The following ARMC3 variants were observed in gnomAD, a reference collection of about 807,000 sequenced individuals.
ARMC3 encodes the protein armadillo repeat containing 3.
In ARMC3, 74 loss-of-function variants were observed where a neutral mutation model predicts 90.3. The observed-to-expected ratio is 0.82, with a 90% CI of 0.68 to 0.99. ARMC3 has a LOEUF of 0.99. Ranked by LOEUF, ARMC3 falls within the 50% of genes least tolerant of loss-of-function variation. ARMC3 has a pLI of 0.00. For synonymous variants in ARMC3, 334 were observed against 361.8 expected (o/e 0.92, Z 0.87); for missense variants, 958 against 1,042.8 (o/e 0.92, Z 1.12).
intron 11 of ARMC3, 38 bp from the exon 12 acceptor site, chr10:23,001,881 A>G (rs1837308812): frequency 1.3e-6 from 2 of 1,596,818 alleles, no homozygotes; most frequent in Non-Finnish European, 1.7e-6. Context: ...GTTACATTCT[A>G]CACTCTTAAT....
chr10:23,015,466 G>A (rs188715156), intron 16 of ARMC3, among the ~76,000 whole-genome samples: 35 of 152,292 alleles, frequency 2.3e-4, no homozygotes, highest in Non-Finnish European at 3.5e-4. Context: ...TGAAATGTGT[G>A]ATAAGTTCTG....
chr10:22,992,498 T>C (rs1441135106), intron 10 of ARMC3, among the ~76,000 whole-genome samples: 1 of 152,242 alleles, frequency 6.6e-6, no homozygotes, highest in Non-Finnish European at 1.5e-5. Context: ...ACTTTAATTA[T>C]GTTAATTTTA....
At chr10:22,959,005 G>A (rs1835075536) in intron 4 of ARMC3, 65 bp from the exon 5 acceptor site, 3 of 1,333,426 alleles carry the variant, frequency 2.2e-6, no homozygotes, top group Non-Finnish European at 3.2e-6. Flanking sequence ...TTACAGGCAT[G>A]AGCCACCACA....
intron 11 of ARMC3, among the ~76,000 whole-genome samples, chr10:23,000,210 C>T (rs760209264): frequency 5.3e-5 from 8 of 152,216 alleles, no homozygotes; most frequent in Non-Finnish European, 1.0e-4. Context: ...TGGAACTCTA[C>T]ACTCCAGAAA....
intron 3 of ARMC3, among the ~76,000 whole-genome samples, chr10:22,948,007 G>T (rs750896073): frequency 2.2e-4 from 34 of 151,726 alleles, no homozygotes; most frequent in Non-Finnish European, 3.7e-4. Flanking sequence ...AACTAAACTG[G>T]TTTTTTTTAA....
At chr10:23,034,846 T>C (rs1588947430) in intron 18 of ARMC3, among the ~76,000 whole-genome samples, 1 of 152,298 alleles carries the variant, frequency 6.6e-6, no homozygotes, top group East Asian at 1.9e-4. Context: ...TTTTCCTTCA[T>C]ATGGCCTTAA....
In ARMC3 at chr10:23,000,413, T is replaced by C. The variant is rs1055604082; in HGVS notation, c.1426-1506T>C. Among the ~76,000 whole-genome samples the C allele has an allele frequency of 5.9e-5, 9 of 152,260 alleles. No individual in the cohort carries two copies. The East Asian group carries it at 1.7e-3, about 29-fold the overall frequency. On this transcript the variant is annotated intron_variant, in intron 11 of 18. Coordinates refer to ENST00000298032, the MANE Select transcript of ARMC3 (RefSeq NM_173081.5). Reference sequence around the variant, plus strand: ...GGGTACATCTTTCTCTATGCTCCCATTGCACCCCTTGTCTTCCTTTTTTGA... The same window carrying C: ...GGGTACATCTTTCTCTATGCTCCCACTGCACCCCTTGTCTTCCTTTTTTGA...
At chr10:22,939,477 G>A (rs555645284) in intron 2 of ARMC3, among the ~76,000 whole-genome samples, 2 of 152,238 alleles carry the variant, frequency 1.3e-5, no homozygotes, top group East Asian at 1.9e-4. Flanking sequence ...AATACCTGGG[G>A]CATTAATAAG....
At chr10:22,993,233 T>A (rs1836787496) in intron 10 of ARMC3, among the ~76,000 whole-genome samples, 1 of 152,214 alleles carries the variant, frequency 6.6e-6, no homozygotes, top group South Asian at 2.1e-4. Context: ...AGGTACCAAA[T>A]GGTGTCAACT....
chr10:22,996,824 G>T (rs1330683724), intron 10 of ARMC3, among the ~76,000 whole-genome samples: 1 of 152,122 alleles, frequency 6.6e-6, no homozygotes, highest in Non-Finnish European at 1.5e-5. Context: ...TCTTGAGGTT[G>T]TGAGTCCTCC....
chr10:22,960,980 C>T (rs1835164955), intron 6 of ARMC3: 1 of 152,250 alleles, frequency 6.6e-6, no homozygotes, highest in Non-Finnish European at 1.5e-5. Flanking sequence ...CCACCTTACT[C>T]CAGGATGACC....
At chr10:22,933,196 C>A (rs991126845) in intron 2 of ARMC3, among the ~76,000 whole-genome samples, 3 of 152,124 alleles carry the variant, frequency 2.0e-5, no homozygotes, top group African/African-American at 7.2e-5. Context: ...ACATTGTGAT[C>A]TCATGATGTT....
At chr10:22,963,746 T>C (rs748179500) in intron 7 of ARMC3, among the ~76,000 whole-genome samples, 11 of 151,204 alleles carry the variant, frequency 7.3e-5, no homozygotes, top group South Asian at 2.1e-4. Flanking sequence ...AAAAATTAGC[T>C]GGGCATGGTG....
At chr10:22,939,952 T>C (rs185352419) in intron 2 of ARMC3, among the ~76,000 whole-genome samples, 10 of 152,326 alleles carry the variant, frequency 6.6e-5, no homozygotes, top group Non-Finnish European at 1.5e-4. Context: ...CCACATTGGA[T>C]ATAAATAACC....
rs1185868446 is a variant in ARMC3, at chr10:23,038,124, A to C, written c.*645A>C. The C allele has an allele frequency of 6.6e-6, 1 of 152,212 alleles. No individual in the cohort carries two copies. Among genetic ancestry groups the C allele is most frequent in the Non-Finnish European group, 1.5e-5 (1 of 68,038 alleles). 9.4% of individuals were successfully genotyped at this position (152,212 alleles called of 1,614,324 possible). Reference sequence around the variant, plus strand: ...TGTGTTAGCTTGGAAACATACCTTCAGCTAAAAACAATTCTGATTTGCTCT... The same window carrying C: ...TGTGTTAGCTTGGAAACATACCTTCCGCTAAAAACAATTCTGATTTGCTCT... On this transcript the variant is annotated 3_prime_UTR_variant, in exon 19 of 19. Transcript: ENST00000298032.
Position 22,935,202 on chromosome 10 carries a change from G to C in ARMC3, c.48+3158G>C, listed in dbSNP as rs144906756. On this transcript the variant is annotated intron_variant, in intron 2 of 18. Coordinates refer to ENST00000298032, the MANE Select transcript of ARMC3 (RefSeq NM_173081.5). ...GCTAAGCAGGGTGAGTATAGAATCA[G>C]AGCAATGGAAAGTAGTGCAACATGC... 1.8e-3 allele frequency among the ~76,000 whole-genome samples: 278 copies of C among 152,294 alleles called. 3 individuals are homozygous for C. Among genetic ancestry groups the C allele is most frequent in the African/African-American group, 5.8e-3 (242 of 41,560 alleles).
intron 10 of ARMC3, among the ~76,000 whole-genome samples, chr10:22,994,182 G>A (rs528976764): frequency 1.6e-4 from 25 of 152,342 alleles, no homozygotes; most frequent in African/African-American, 5.5e-4. Context: ...CATTTGTGCT[G>A]AGCTGTGAAA....
chr10:22,996,277 G>A (rs1208973208), intron 10 of ARMC3, among the ~76,000 whole-genome samples: 5 of 151,964 alleles, frequency 3.3e-5, no homozygotes, highest in Non-Finnish European at 5.9e-5. Context: ...CCTAATGAAC[G>A]CCATGCCAAT....
intron 13 of ARMC3, among the ~76,000 whole-genome samples, chr10:23,003,665 C>G (rs1037065826): frequency 6.6e-6 from 1 of 152,106 alleles, no homozygotes; most frequent in Non-Finnish European, 1.5e-5. Flanking sequence ...AGATAAGATA[C>G]AAAAGAAGAG....
Sources: allele counts gnomAD v4.1 joint callset (sites outside exome capture counted in the v4.1 genomes callset), GRCh38; gene constraint gnomAD v4.1.1; transcripts MANE v1.5; gene names NCBI Gene and HGNC (gene_info 2026-07-23, HGNC 2026-07-21).